The following AGBL1 variants were observed in gnomAD, a reference collection of about 807,000 sequenced individuals.
AGBL1 encodes AGBL carboxypeptidase 1.
A neutral mutation model predicts 118.9 loss-of-function variants in AGBL1; 130 were observed. The observed-to-expected ratio is 1.09, with a 90% CI of 0.95 to 1.26. The LOEUF is 1.26. Among genes scored for constraint, AGBL1 ranks in the 50% most tolerant of loss-of-function variants. The pLI is 0.00. For synonymous variants in AGBL1, 555 were observed against 478.9 expected (o/e 1.16, Z -2.08); for missense variants, 1,584 against 1,298.1 (o/e 1.22, Z -3.38).
chr15:86,849,517 C>CTTTTTTTTTTTTTTTTT (rs68185029), intron 22 of AGBL1, among the ~76,000 whole-genome samples: 3 of 136,796 alleles, frequency 2.2e-5, no homozygotes, highest in Non-Finnish European at 3.1e-5. Context: ...TTCTTTCTTT[C>CTTTTTTTTTTTTTTTTT]TTTTTTTTTT....
chr15:86,449,524 G>A (rs111837867), intron 18 of AGBL1, among the ~76,000 whole-genome samples: 24 of 152,340 alleles, frequency 1.6e-4, no homozygotes, highest in Admixed American at 5.2e-4. Context: ...TTAACTAGCT[G>A]TGTGGATTCT....
chr15:86,641,984 G>A (rs1596330698), intron 21 of AGBL1, among the ~76,000 whole-genome samples: 1 of 152,142 alleles, frequency 6.6e-6, no homozygotes, highest in South Asian at 2.1e-4. Context: ...TTCTTATTAT[G>A]TGATTGCTAC....
intron 22 of AGBL1, among the ~76,000 whole-genome samples, chr15:86,843,075 A>G (rs1056404497): frequency 6.6e-6 from 1 of 152,306 alleles, no homozygotes. Context: ...AAGCACTTTG[A>G]GTGAGTGGCT....
At chr15:86,809,486 C>G (rs2078760697) in intron 22 of AGBL1, among the ~76,000 whole-genome samples, 1 of 152,108 alleles carries the variant, frequency 6.6e-6, no homozygotes, top group African/African-American at 2.4e-5. Flanking sequence ...TTGTCCCATT[C>G]CTTTATATCT....
rs1417310318 is a variant in AGBL1 at position 86,264,792 on chromosome 15, C to A, written c.1621C>A (p.Pro541Thr). Residue 541 changes from proline to threonine, a missense_variant, in exon 11 of 23, where the codon CCT becomes ACT. By Grantham distance (38) the Pro-to-Thr change is conservative. Transcript: ENST00000614907. The stretch of plus-strand genomic sequence containing the variant: ...TCCTGATGTCTGGGGACACTGTCCC[C>A]CTCCCACCACCCAGCCTATGTTGGA... ...AFPDVWGHCP[P>T]PTTQPMLERK... 1 of 1,613,550 alleles carries A rather than the reference C, an allele frequency of 6.2e-7. No homozygotes were observed. Among genetic ancestry groups the A allele is most frequent in the African/African-American group, 1.3e-5 (1 of 74,918 alleles).
rs115028496 is a variant in AGBL1 at position 86,613,822 on chromosome 15, G to A, written c.2994+59285G>A. Among the ~76,000 whole-genome samples the A allele has an allele frequency of 5.9e-5, 9 of 152,294 alleles. No individual in the cohort carries two copies. The South Asian group carries it at 1.7e-3, about 28-fold the overall frequency. ...CAGACCTACTGAATTAGAATATGTA[G>A]CATAGTAAGATTCTTGAGTGATCTA... On this transcript the variant is annotated intron_variant, in intron 21 of 22. Transcript: ENST00000614907. The surrounding 1 kb of genome is among the most constrained non-coding windows in gnomAD (Gnocchi z 4.2).
chr15:86,474,442 T>A (rs1218280988), intron 18 of AGBL1, among the ~76,000 whole-genome samples: 1 of 152,160 alleles, frequency 6.6e-6, no homozygotes, highest in African/African-American at 2.4e-5. Flanking sequence ...CGTGCCTGGC[T>A]CAGAGGGTCC....
At chr15:86,726,868 A>G (rs1241328050) in intron 22 of AGBL1, among the ~76,000 whole-genome samples, 1 of 152,148 alleles carries the variant, frequency 6.6e-6, no homozygotes, top group Non-Finnish European at 1.5e-5. Context: ...ACTATGTATC[A>G]TCATTATCAT....
intron 19 of AGBL1, among the ~76,000 whole-genome samples, chr15:86,537,972 G>C (rs2083448026): frequency 6.6e-6 from 1 of 152,108 alleles, no homozygotes; most frequent in South Asian, 2.1e-4. Flanking sequence ...TATGTTTTTG[G>C]GTTGATTTAC....
At position 86,528,138 on chromosome 15, in the gene AGBL1, C is replaced by T. The variant is rs1013353169; in HGVS notation, c.2685+5199C>T. Among the ~76,000 whole-genome samples, 210 of 152,324 alleles carry T rather than the reference C, an allele frequency of 1.4e-3. 1 individual carries two copies. The highest frequency in any genetic ancestry group is 4.8e-3 in the African/African-American group (198 of 41,564). ...GCCGAATAGGAACAGCTCCGGTCTA[C>T]AGCTCCCAGCGTGAGCGACGCAGAA... On this transcript the variant is annotated intron_variant, in intron 19 of 22. Transcript: ENST00000614907.
chr15:86,330,853 G>A (rs6496322), intron 17 of AGBL1, among the ~76,000 whole-genome samples: 1 of 152,044 alleles, frequency 6.6e-6, no homozygotes, highest in Admixed American at 6.5e-5. Flanking sequence ...ATAACTGGAC[G>A]AATTGGAAGA....
Position 86,761,753 on chromosome 15 carries a change from T to C in AGBL1, c.3158+87317T>C, listed in dbSNP as rs76426006. Among the ~76,000 whole-genome samples, 59 of 152,118 alleles carry C rather than the reference T, an allele frequency of 3.9e-4. 1 individual carries two copies. Among genetic ancestry groups the C allele is most frequent in the Non-Finnish European group, 5.1e-4 (35 of 67,992 alleles). On this transcript the variant is annotated intron_variant, in intron 22 of 22. Coordinates refer to ENST00000614907, the MANE Select transcript of AGBL1 (RefSeq NM_001386094.1). ...TTAGACCTTTGTCAAATGGATAGAT[T>C]GCAATATTTCTCTCCCATTCTCTGT...
chr15:86,264,803 C>T lies in AGBL1; in HGVS notation c.1632C>T (p.Thr544=). The T allele has an allele frequency of 1.2e-6, 2 of 1,613,060 alleles. No individual in the cohort carries two copies. Among genetic ancestry groups the T allele is most frequent in the Non-Finnish European group, 8.5e-7 (1 of 1,179,508 alleles). ...GGGGACACTGTCCCCCTCCCACCAC[C>T]CAGCCTATGTTGGAACGAAAATGTG... The part of the protein sequence containing the change: ...DVWGHCPPPT[T]QPMLERKCGV... The change falls in exon 11 of 23, where the codon ACC becomes ACT. Residue 544 remains threonine, a synonymous_variant. Transcript: ENST00000614907.
chr15:86,124,473 T>C (rs1898294663), intron 1 of AGBL1, among the ~76,000 whole-genome samples: 1 of 152,110 alleles, frequency 6.6e-6, no homozygotes, highest in Admixed American at 6.6e-5. Context: ...ACACAACAGG[T>C]TATAAAGAAA....
At chr15:86,080,158 G>GCT (rs1352642762) in intron 1 of AGBL1, 135 bp downstream of exon 1, 1 of 566,002 alleles carries the variant, frequency 1.8e-6, no homozygotes, top group Non-Finnish European at 2.6e-6. Context: ...ACAGGAGTCG[G>GCT]CTCTCACCTT....
chr15:86,084,458 T>C (rs1004644857), intron 1 of AGBL1, among the ~76,000 whole-genome samples: 2 of 152,180 alleles, frequency 1.3e-5, no homozygotes, highest in Non-Finnish European at 2.9e-5. Flanking sequence ...AGGACACTGA[T>C]GGTTAAGGAA....
intron 21 of AGBL1, among the ~76,000 whole-genome samples, chr15:86,567,478 A>G (rs2083932901): frequency 6.6e-6 from 1 of 152,242 alleles, no homozygotes; most frequent in African/African-American, 2.4e-5. Flanking sequence ...CTTCTAGGAG[A>G]AGAGAAAGAA....
At chr15:86,099,444 G>T (rs566169143) in intron 1 of AGBL1, among the ~76,000 whole-genome samples, 18 of 151,956 alleles carry the variant, frequency 1.2e-4, no homozygotes, top group African/African-American at 3.9e-4. Flanking sequence ...TTATCAGCTC[G>T]AAAAGTTTTT....
At chr15:86,264,209 C>T in intron 10 of AGBL1, 49 bp from the exon 11 acceptor site, 1 of 1,398,992 alleles carries the variant, frequency 7.1e-7, no homozygotes, top group Non-Finnish European at 9.7e-7. Context: ...ATTGTATTCC[C>T]TACCTGGAAG....
Sources: allele counts gnomAD v4.1 joint callset (sites outside exome capture counted in the v4.1 genomes callset), GRCh38; gene constraint gnomAD v4.1.1; non-coding constraint Gnocchi (gnomAD v3.1); transcripts MANE v1.5; gene names NCBI Gene and HGNC (gene_info 2026-07-23, HGNC 2026-07-21).